The following GLB1 variants were observed in gnomAD, a reference collection of about 807,000 sequenced individuals.
GLB1 encodes galactosidase beta 1.
In GLB1, 56 loss-of-function variants were observed where a neutral mutation model predicts 74.0. The ratio of observed to expected loss-of-function variants is 0.76; its 90% CI spans 0.61 to 0.94. GLB1 has a LOEUF of 0.94. Among genes scored for constraint, GLB1 ranks in the 40% least tolerant of loss-of-function variants. The pLI, the probability that GLB1 is intolerant of heterozygous loss-of-function variation, is 0.00. For missense variants in GLB1, 787 were observed against 845.5 expected (o/e 0.93, Z 0.86); for synonymous variants, 323 against 323.6 (o/e 1.00, Z 0.02).
At chr3:32,982,085 G>C in the GLB1 span, among the ~76,000 whole-genome samples, 1 of 152,110 alleles carries the variant, frequency 6.6e-6, no homozygotes, top group African/African-American at 2.4e-5. Context: ...AGGCTGAGGT[G>C]GGTGGATCAA....
At chr3:33,081,602 C>G (rs536950110) in intron 1 of GLB1, among the ~76,000 whole-genome samples, 1 of 152,300 alleles carries the variant, frequency 6.6e-6, no homozygotes, top group East Asian at 1.9e-4. Context: ...CTTGGGAAGC[C>G]CCCCCAGTGG....
At chr3:33,026,375 C>T (rs1465927669) in intron 10 of GLB1, among the ~76,000 whole-genome samples, 1 of 152,178 alleles carries the variant, frequency 6.6e-6, no homozygotes, top group Non-Finnish European at 1.5e-5. Context: ...CTTTGGGCAC[C>T]GATGAGCACA....
intron 4 of GLB1, among the ~76,000 whole-genome samples, chr3:33,067,039 G>A (rs1004709678): frequency 9.7e-6 from 1 of 103,450 alleles, no homozygotes; most frequent in Non-Finnish European, 1.9e-5. Flanking sequence ...TTTCGCTCTT[G>A]TTGCCCAGGC....
At chr3:33,085,222 T>C (rs1261795610) in intron 1 of GLB1, among the ~76,000 whole-genome samples, 2 of 139,334 alleles carry the variant, frequency 1.4e-5, no homozygotes, top group Non-Finnish European at 1.5e-5. Flanking sequence ...CTGCAGTGAG[T>C]AGTGATGGTG....
rs766219364 is a variant in GLB1 at position 33,093,314 on chromosome 3, G to T, written c.75+3697C>A. ...CATTATGAAGAGGCTGGACATGCAG[G>T]GATTCCAGAAGTGCAAACCAGTTGC... is the stretch of plus-strand genomic sequence containing the variant. On this transcript the variant is annotated intron_variant, in intron 1 of 15. Coordinates refer to ENST00000307363, the MANE Select transcript of GLB1 (RefSeq NM_000404.4). The surrounding 1 kb of genome is among the most constrained non-coding windows in gnomAD (Gnocchi z 6.0). 7 of 1,614,032 alleles carry T rather than the reference G, an allele frequency of 4.3e-6. No individual in the cohort carries two copies. The highest frequency in any genetic ancestry group is 2.7e-5 in the African/African-American group (2 of 74,900).
intron 15 of GLB1, among the ~76,000 whole-genome samples, chr3:33,000,040 T>C (rs1255403475): frequency 1.3e-5 from 2 of 151,438 alleles, no homozygotes; most frequent in African/African-American, 4.9e-5. Context: ...CTCACTGTAG[T>C]GTCAACCTCC....
At chr3:33,007,041 C>T (rs1385935342) in intron 15 of GLB1, among the ~76,000 whole-genome samples, 2 of 152,172 alleles carry the variant, frequency 1.3e-5, no homozygotes, top group Non-Finnish European at 2.9e-5. Flanking sequence ...TCTGAGGTGG[C>T]TGATCATTTA....
chr3:32,979,338 G>C, the GLB1 span, among the ~76,000 whole-genome samples: 7 of 152,142 alleles, frequency 4.6e-5, no homozygotes, highest in African/African-American at 1.7e-4. Context: ...CACTTACAGA[G>C]GTGAGGAAAC....
rs1353563464 is a variant in GLB1 at position 33,077,334 on chromosome 3, T to C, written c.76-4621A>G. 5 of 1,540,406 alleles carry C rather than the reference T, an allele frequency of 3.2e-6. No individual in the cohort carries two copies. The East Asian group carries it at 6.9e-5, about 21-fold the overall frequency. On this transcript the variant is annotated intron_variant, in intron 1 of 15. Transcript: ENST00000307363. Reference sequence around the variant, plus strand: ...AGGCATACACCACTTAGTAAACTAATGAAAGCCTGTTGTGAACGATAGGGA... The same window carrying C: ...AGGCATACACCACTTAGTAAACTAACGAAAGCCTGTTGTGAACGATAGGGA...
chr3:32,998,686 A>G (rs1373217018), intron 15 of GLB1, among the ~76,000 whole-genome samples: 1 of 152,074 alleles, frequency 6.6e-6, no homozygotes, highest in Non-Finnish European at 1.5e-5. Context: ...AAGGAAGAGG[A>G]AAGAGGAATG....
In GLB1 at chr3:33,018,578, T is replaced by A. The variant is rs185922201; in HGVS notation, c.1234-17A>T. 1.4e-4 allele frequency: 233 copies of A among 1,613,478 alleles called. 1 individual carries two copies. In the East Asian group the frequency reaches 4.7e-3, roughly 32 times the overall value. On this transcript the variant is annotated splice_polypyrimidine_tract_variant and intron_variant, in intron 12 of 15. Coordinates refer to ENST00000307363, the MANE Select transcript of GLB1 (RefSeq NM_000404.4). ...CCCATAATGCTGGTTAGAAAAGGATTTAAGAAAAATACATCACTATTGCCA... is the reference window on the plus strand; with the variant it reads ...CCCATAATGCTGGTTAGAAAAGGATATAAGAAAAATACATCACTATTGCCA...
chr3:33,048,577 A>G lies in GLB1; in HGVS notation c.956-2345T>C, dbSNP rs530457457. Among the ~76,000 whole-genome samples the G allele has an allele frequency of 1.6e-4, 24 of 152,112 alleles. No individual in the cohort carries two copies. The East Asian group carries it at 4.5e-3, about 28-fold the overall frequency. ...GGGTGGGATGGGCAGTGAACTCCCC[A>G]CTCCTGATGCCTTTCTCTCCCTGCT... On this transcript the variant is annotated intron_variant, in intron 9 of 15. Transcript: ENST00000307363.
chr3:32,983,445 AT>A, the GLB1 span, among the ~76,000 whole-genome samples: 1 of 152,092 alleles, frequency 6.6e-6, no homozygotes, highest in African/African-American at 2.4e-5. Flanking sequence ...CAAAAGTGCT[AT>A]TTTGTTCTTT....
chr3:33,016,983 A>G, intron 13 of GLB1, 143 bp from the exon 14 acceptor site: 1 of 1,387,064 alleles, frequency 7.2e-7, no homozygotes, highest in Non-Finnish European at 9.6e-7. Flanking sequence ...ATAGCATCTT[A>G]GCCCAAGTTA....
chr3:33,060,521 C>T (rs543770130), intron 5 of GLB1, among the ~76,000 whole-genome samples: 56 of 152,280 alleles, frequency 3.7e-4, no homozygotes, highest in Non-Finnish European at 6.9e-4. Context: ...AAAGTTAGCT[C>T]CAGCAACTAA....
chr3:33,080,260 A>C (rs1700277749), intron 1 of GLB1, among the ~76,000 whole-genome samples: 1 of 151,974 alleles, frequency 6.6e-6, no homozygotes, highest in South Asian at 2.1e-4. Context: ...TTGTATTTTT[A>C]GTAGAGACGG....
intron 15 of GLB1, among the ~76,000 whole-genome samples, chr3:32,999,662 G>C (rs1437612155): frequency 6.6e-6 from 1 of 152,130 alleles, no homozygotes; most frequent in Non-Finnish European, 1.5e-5. Context: ...GGAGGGTGGA[G>C]AGAAGCAGCA....
intron 1 of GLB1, 81 bp downstream of exon 1, chr3:33,096,930 G>C (rs1701057038): frequency 1.0e-5 from 16 of 1,550,238 alleles, no homozygotes; most frequent in Middle Eastern, 3.5e-4. Context: ...GCGGGACCGC[G>C]GGTGGCTGCG....
intron 15 of GLB1, among the ~76,000 whole-genome samples, chr3:33,009,154 T>TAAATAAATAAAA (rs761134064): frequency 2.7e-4 from 35 of 131,616 alleles, no homozygotes; most frequent in African/African-American, 6.0e-4. Context: ...AATAAATAAA[T>TAAATAAATAAAA]AAAAAAGATT....
Sources: gnomAD v4.1 joint callset for allele counts (sites outside exome capture counted in the v4.1 genomes callset) on GRCh38, gnomAD v4.1.1 for gene constraint, Gnocchi (gnomAD v3.1) non-coding constraint, MANE v1.5 for transcripts, NCBI Gene and HGNC (gene_info 2026-07-23, HGNC 2026-07-21) for gene names.